The following GPC1 variants were observed in gnomAD, a reference collection of about 807,000 sequenced individuals.
GPC1 encodes glypican-1.
A neutral mutation model predicts 51.5 loss-of-function variants in GPC1; 26 were observed. The ratio of observed to expected loss-of-function variants is 0.50; its 90% CI spans 0.37 to 0.70. The LOEUF (loss-of-function observed/expected upper bound fraction) is 0.70. GPC1 is among the 30% of genes least tolerant of loss of function. GPC1 has a pLI of 0.00. For missense variants in GPC1, 775 were observed against 800.5 expected (o/e 0.97, Z 0.38); for synonymous variants, 380 against 348.3 (o/e 1.09, Z -1.01).
Position 240,448,082 on chromosome 2 carries a change from C to T in GPC1, c.167-10948C>T, listed in dbSNP as rs1221964301. 1.1e-4 allele frequency among the ~76,000 whole-genome samples: 16 copies of T among 152,254 alleles called. No homozygotes were observed. The highest frequency in any genetic ancestry group is 5.9e-4 in the Admixed American group (9 of 15,306). ...ACAGTGGAACGGCCGGAGGCGCTCT[C>T]GAGCCCGCCTTGAGGGTGGCAGCTG... On this transcript the variant is annotated intron_variant, in intron 1 of 8. Coordinates refer to ENST00000264039, the MANE Select transcript of GPC1 (RefSeq NM_002081.3). The surrounding 1 kb of genome is among the most constrained non-coding windows in gnomAD (Gnocchi z 4.5).
chr2:240,449,020 TG>T (rs1234918750), intron 1 of GPC1, among the ~76,000 whole-genome samples: 1 of 151,958 alleles, frequency 6.6e-6, no homozygotes, highest in African/African-American at 2.4e-5. Context: ...GTCTGAGACC[TG>T]GGGGGGAAGC....
intron 1 of GPC1, among the ~76,000 whole-genome samples, chr2:240,446,065 C>T (rs1261070133): frequency 1.3e-5 from 2 of 152,238 alleles, no homozygotes; most frequent in African/African-American, 4.8e-5. Flanking sequence ...GCAACGGGGC[C>T]CACGGCACAG....
chr2:240,453,797 A>G (rs917942569), intron 1 of GPC1, among the ~76,000 whole-genome samples: 7 of 151,626 alleles, frequency 4.6e-5, no homozygotes, highest in Admixed American at 2.6e-4. Flanking sequence ...GGCGACTGGC[A>G]TCGGGGCGCC....
At position 240,436,044 on chromosome 2, in the gene GPC1, G is replaced by A. The variant is rs1202901197; in HGVS notation, c.126G>A (p.Lys42=). Residue 42 remains lysine (K), a synonymous_variant, in exon 1 of 9, where the codon AAG becomes AAA. Transcript: ENST00000264039. ...CGEVRQIYGA[K]GFSLSDVPQA... ...AGGTCCGCCAGATCTACGGAGCCAAGGGCTTCAGCCTGAGCGACGTGCCCC... is the reference window on the plus strand; with the variant it reads ...AGGTCCGCCAGATCTACGGAGCCAAAGGCTTCAGCCTGAGCGACGTGCCCC... The A allele has an allele frequency of 2.2e-6, 3 of 1,372,680 alleles. No individual in the cohort carries two copies. The allele number at this position is 1,372,680 out of a possible 1,614,324, so 85.0% of individuals were successfully genotyped here.
chr2:240,463,783 G>A (rs1468512298), intron 4 of GPC1: 6 of 528,972 alleles, frequency 1.1e-5, no homozygotes, highest in East Asian at 6.3e-5. Context: ...CAAGCACCTC[G>A]GTGTGCATAC....
chr2:240,464,678 A>G lies in GPC1; in HGVS notation c.946A>G (p.Ser316Gly), dbSNP rs2074245301. The change falls in exon 5 of 9, where the codon AGC becomes GGC. Residue 316 changes from serine to glycine, a missense_variant. Ser to Gly is a moderately conservative substitution (Grantham distance 56). Transcript: ENST00000264039. ...ATCGGGTGTGGAGAGTGTCATCGGC[A>G]GCGTGCACACGTGGCTGGCGGAGGC... ...GTSGVESVIGSVHTWLAEAIN... is the reference protein window; with the variant it reads ...GTSGVESVIGGVHTWLAEAIN... The G allele has an allele frequency of 1.2e-6, 2 of 1,613,146 alleles. No homozygotes were observed. The highest frequency in any genetic ancestry group is 1.1e-5 in the South Asian group (1 of 91,062).
At position 240,465,487 on chromosome 2, in the gene GPC1, T is replaced by C. The variant is rs750881135; in HGVS notation, c.1283T>C (p.Val428Ala). The C allele has an allele frequency of 6.8e-6, 11 of 1,612,780 alleles. No homozygotes were observed. In the South Asian group the frequency reaches 1.2e-4, roughly 18 times the overall value. ...CTTTCCCCCAGGTACCTCCCCGAGG[T>C]CATGGGTGACGGCCTGGCCAACCAG... ...GMARGRYLPE[V>A]MGDGLANQIN... The change falls in exon 8 of 9, where the codon GTC becomes GCC. Residue 428 changes from valine (V) to alanine (A), a missense_variant. Coordinates refer to ENST00000264039, the MANE Select transcript of GPC1 (RefSeq NM_002081.3).
chr2:240,456,058 G>C (rs747327479), intron 1 of GPC1: 1 of 404,150 alleles, frequency 2.5e-6, no homozygotes, highest in South Asian at 1.8e-5. Flanking sequence ...GAGGAGGGAG[G>C]GAGGGACGGG....
In GPC1 at chr2:240,462,579, T is replaced by A; in HGVS notation, c.714T>A (p.Ala238=). The stretch of plus-strand genomic sequence containing the variant: ...CCAGCGACGTGGTCCGGAAAGTGGC[T>A]CAGGTGCGCACAGCCACCCAGGGCT... ...GVASDVVRKV[A]QVPLGPECSR... is the part of the protein sequence containing the mutation. The change falls in exon 3 of 9, where the codon GCT becomes GCA. Residue 238 remains alanine (A), a synonymous_variant. Transcript: ENST00000264039. The A allele has an allele frequency of 6.6e-7, 1 of 1,520,310 alleles. No homozygotes were observed. The allele number at this position is 1,520,310 out of a possible 1,614,324, so 94.2% of individuals were successfully genotyped here. A position where few individuals can be genotyped will look rare whatever the true frequency, so the allele number is the denominator to read the frequency against.
chr2:240,436,133 C>T lies in GPC1; in HGVS notation c.166+49C>T, dbSNP rs1486172108. 3.4e-6 allele frequency: 4 copies of T among 1,183,132 alleles called. No homozygotes were observed. In the East Asian group the frequency reaches 1.3e-4, roughly 37 times the overall value. The allele number at this position is 1,183,132 out of a possible 1,614,324, so 73.3% of individuals were successfully genotyped here. A position where few individuals can be genotyped will look rare whatever the true frequency, so the allele number is the denominator to read the frequency against. On this transcript the variant is annotated intron_variant, in intron 1 of 8. Transcript: ENST00000264039. ...AACCCGGGCCTGGCCGGGCTTTGGGCTCCGGACCCTGGTCTTCCCGACGCG... is the reference window on the plus strand; with the variant it reads ...AACCCGGGCCTGGCCGGGCTTTGGGTTCCGGACCCTGGTCTTCCCGACGCG...
At chr2:240,453,905 G>T (rs951716835) in intron 1 of GPC1, among the ~76,000 whole-genome samples, 1 of 152,282 alleles carries the variant, frequency 6.6e-6, no homozygotes, top group East Asian at 1.9e-4. Context: ...AAGCAGCCGC[G>T]GGTGACAGGA....
Position 240,464,880 on chromosome 2 carries a change from A to G in GPC1, c.1039A>G (p.Lys347Glu), listed in dbSNP as rs756298992. The G allele has an allele frequency of 4.5e-6, 7 of 1,555,072 alleles. No individual in the cohort carries two copies. The South Asian group carries it at 8.3e-5, about 18-fold the overall frequency. ...AKVIQGCGNP[K>E]VNPQGPGPEE... ...GGTCATCCAGGGCTGCGGGAACCCC[A>G]AGGTCAACCCCCAGGGCCCCGGGCC... Residue 347 changes from lysine (K) to glutamate (E), a missense_variant, in exon 6 of 9, where the codon AAG becomes GAG. Transcript: ENST00000264039.
chr2:240,462,172 G>C lies in GPC1; in HGVS notation c.326-19G>C. The C allele has an allele frequency of 6.5e-7, 1 of 1,549,146 alleles. No homozygotes were observed. On this transcript the variant is annotated intron_variant, in intron 2 of 8. Coordinates refer to ENST00000264039, the MANE Select transcript of GPC1 (RefSeq NM_002081.3). ...GCGGGGGAAACATGGTCCCGATCAC[G>C]CCCCCTCCCTGTGCGCAGACCACTT... is the stretch of plus-strand genomic sequence containing the variant.
chr2:240,439,213 G>A (rs1266052433), intron 1 of GPC1, among the ~76,000 whole-genome samples: 2 of 152,110 alleles, frequency 1.3e-5, no homozygotes, highest in African/African-American at 4.8e-5. Flanking sequence ...CACAGAACCC[G>A]GCTGGCTCCC....
At chr2:240,438,418 T>C (rs2073997155) in intron 1 of GPC1, among the ~76,000 whole-genome samples, 1 of 152,204 alleles carries the variant, frequency 6.6e-6, no homozygotes, top group Non-Finnish European at 1.5e-5. Context: ...CGGCTGGGCC[T>C]GGGCTCCGTG....
Position 240,464,675 on chromosome 2 carries a change from G to A in GPC1, c.943G>A (p.Gly315Ser), listed in dbSNP as rs747183495. ...WGTSGVESVI[G>S]SVHTWLAEAI... ...TACATCGGGTGTGGAGAGTGTCATC[G>A]GCAGCGTGCACACGTGGCTGGCGGA... Residue 315 changes from glycine (G) to serine (S), a missense_variant, in exon 5 of 9, where the codon GGC (glycine) becomes AGC (serine). Physicochemically the swap from Gly to Ser is moderately conservative, Grantham distance 56. Coordinates refer to ENST00000264039, the MANE Select transcript of GPC1 (RefSeq NM_002081.3). 18 of 1,613,134 alleles carry A rather than the reference G, an allele frequency of 1.1e-5. No individual in the cohort carries two copies. Among genetic ancestry groups the A allele is most frequent in the Middle Eastern group, 1.6e-4 (1 of 6,062 alleles).
At chr2:240,454,353 C>T (rs991430862) in intron 1 of GPC1, among the ~76,000 whole-genome samples, 1 of 152,190 alleles carries the variant, frequency 6.6e-6, no homozygotes. Flanking sequence ...CCAGTGCACC[C>T]TCACCCCAGG....
At chr2:240,465,293 G>A in intron 7 of GPC1, 83 bp downstream of exon 7, 1 of 1,458,940 alleles carries the variant, frequency 6.9e-7, no homozygotes, top group South Asian at 1.3e-5. Flanking sequence ...TGTCTGCACG[G>A]GGCCACGTCC....
intron 1 of GPC1, among the ~76,000 whole-genome samples, chr2:240,456,351 C>T (rs908077227): frequency 2.6e-5 from 4 of 151,874 alleles, no homozygotes; most frequent in Non-Finnish European, 5.9e-5. Flanking sequence ...CGGGACCTCG[C>T]GAGGGAGGGG....
Sources: allele counts gnomAD v4.1 joint callset (sites outside exome capture counted in the v4.1 genomes callset), GRCh38; gene constraint gnomAD v4.1.1; non-coding constraint Gnocchi (gnomAD v3.1); transcripts MANE v1.5; gene names NCBI Gene and HGNC (gene_info 2026-07-23, HGNC 2026-07-21).